The following ZPLD1 variants were observed in gnomAD, a reference collection of about 807,000 sequenced individuals.
ZPLD1 encodes zona pellucida-like domain-containing protein 1.
A neutral mutation model predicts 47.2 loss-of-function variants in ZPLD1; 34 were observed. The observed-to-expected ratio is 0.72, with a 90% CI of 0.55 to 0.96. ZPLD1 has a LOEUF of 0.96. Among genes scored for constraint, ZPLD1 ranks in the 40% least tolerant of loss-of-function variants. The pLI, the probability that ZPLD1 is intolerant of heterozygous loss-of-function variation, is 0.00. For missense variants in ZPLD1, 512 were observed against 505.8 expected (o/e 1.01, Z -0.12); for synonymous variants, 176 against 186.2 (o/e 0.95, Z 0.45).
intron 8 of ZPLD1, among the ~76,000 whole-genome samples, chr3:102,423,841 A>T (rs1576137873): frequency 6.6e-6 from 1 of 152,140 alleles, no homozygotes. Context: ...ATTGGTTAAC[A>T]TGACCAATAA....
intron 6 of ZPLD1, among the ~76,000 whole-genome samples, chr3:102,460,221 T>G (rs1707485502): frequency 6.6e-6 from 1 of 152,090 alleles, no homozygotes; most frequent in Admixed American, 6.5e-5. Flanking sequence ...GGAATGTTTT[T>G]TATTTCTAAC....
intron 3 of ZPLD1, among the ~76,000 whole-genome samples, chr3:102,451,584 T>C (rs557739292): frequency 4.6e-5 from 7 of 152,210 alleles, no homozygotes; most frequent in Non-Finnish European, 5.9e-5. Flanking sequence ...ACTTGTGTCC[T>C]GGGGTGATTT....
chr3:102,400,661 T>C (rs1408502016), intron 7 of ZPLD1, among the ~76,000 whole-genome samples: 1 of 152,094 alleles, frequency 6.6e-6, no homozygotes, highest in African/African-American at 2.4e-5. Flanking sequence ...TACTTTATCA[T>C]TTATTATTTA....
intron 3 of ZPLD1, among the ~76,000 whole-genome samples, chr3:102,447,968 CA>C (rs2107330418): frequency 6.6e-6 from 1 of 152,114 alleles, no homozygotes; most frequent in South Asian, 2.1e-4. Context: ...AACCTCAAAT[CA>C]GGACACATTT....
intron 8 of ZPLD1, among the ~76,000 whole-genome samples, chr3:102,428,782 A>G (rs1036827170): frequency 1.3e-5 from 2 of 151,420 alleles, no homozygotes; most frequent in African/African-American, 4.8e-5. Context: ...AAACCTTGGT[A>G]GCATTTCAGT....
In ZPLD1 at chr3:102,428,105, G is replaced by T. The variant is rs80047928; in HGVS notation, c.-9+9898G>T. On this transcript the variant is annotated intron_variant, in intron 8 of 17. Coordinates refer to the ZPLD1 transcript ENST00000491959. ...CTATATAGTCTCAGAAAAAAAGAGGGAAGTGCAATTAATAAAAATAGTATG... is the reference window on the plus strand; with the variant it reads ...CTATATAGTCTCAGAAAAAAAGAGGTAAGTGCAATTAATAAAAATAGTATG... Among the ~76,000 whole-genome samples, 946 of 152,202 alleles carry T rather than the reference G, an allele frequency of 6.2e-3. 9 individuals are homozygous for T. The highest frequency in any genetic ancestry group is 0.021 in the African/African-American group (892 of 41,536).
At chr3:102,426,040 T>C (rs527699413) in intron 8 of ZPLD1, among the ~76,000 whole-genome samples, 1 of 152,024 alleles carries the variant, frequency 6.6e-6, no homozygotes, top group East Asian at 1.9e-4. Context: ...ATTTCTACTA[T>C]GATAAATTTC....
At chr3:102,457,269 C>T (rs1185630050) in intron 5 of ZPLD1, among the ~76,000 whole-genome samples, 2 of 152,136 alleles carry the variant, frequency 1.3e-5, no homozygotes, top group East Asian at 1.9e-4. Context: ...GGAAAGGCCT[C>T]GAGTCAAAAC....
At chr3:102,435,449 G>C (rs953422611) in intron 1 of ZPLD1, among the ~76,000 whole-genome samples, 2 of 152,130 alleles carry the variant, frequency 1.3e-5, no homozygotes, top group African/African-American at 2.4e-5. Flanking sequence ...TAGCTCTAGA[G>C]TACATGGCTA....
intron 3 of ZPLD1, among the ~76,000 whole-genome samples, chr3:102,440,781 G>A (rs1286204297): frequency 2.1e-5 from 3 of 145,702 alleles, no homozygotes; most frequent in African/African-American, 7.6e-5. Flanking sequence ...GGAATTGAAA[G>A]AAAAGAAAGG....
At chr3:102,466,922 C>T (rs969871943) in intron 8 of ZPLD1, among the ~76,000 whole-genome samples, 1 of 151,482 alleles carries the variant, frequency 6.6e-6, no homozygotes, top group African/African-American at 2.4e-5. Context: ...AAATATAATC[C>T]AGGAACACTT....
intron 8 of ZPLD1, among the ~76,000 whole-genome samples, chr3:102,426,152 A>ACACACATG (rs978334988): frequency 4.0e-5 from 6 of 151,780 alleles, no homozygotes; most frequent in Non-Finnish European, 8.8e-5. Flanking sequence ...ACACACACAC[A>ACACACATG]CACACATGCA....
chr3:102,395,205 T>C (rs910830291), intron 7 of ZPLD1, among the ~76,000 whole-genome samples: 18 of 152,168 alleles, frequency 1.2e-4, no homozygotes, highest in Admixed American at 9.8e-4. Flanking sequence ...AAAACGTCCA[T>C]GTCCTAATCC....
At chr3:102,404,037 T>A (rs1371388996) in intron 7 of ZPLD1, among the ~76,000 whole-genome samples, 1 of 151,906 alleles carries the variant, frequency 6.6e-6, no homozygotes, top group East Asian at 1.9e-4. Context: ...TCATAGTGAG[T>A]GGTATTATGT....
intron 3 of ZPLD1, among the ~76,000 whole-genome samples, chr3:102,444,893 G>A (rs79055080): frequency 0.031 from 4,766 of 152,114 alleles, 194 homozygotes; most frequent in African/African-American, 0.096. Context: ...CATCTGAACC[G>A]TACAGAGCCT....
chr3:102,461,271 A>G (rs2107345909), intron 6 of ZPLD1, among the ~76,000 whole-genome samples: 1 of 152,144 alleles, frequency 6.6e-6, no homozygotes, highest in East Asian at 1.9e-4. Context: ...GTTTAGGGAA[A>G]CAATTGGCCT....
At chr3:102,403,585 T>G (rs1450124494) in intron 7 of ZPLD1, among the ~76,000 whole-genome samples, 2 of 152,032 alleles carry the variant, frequency 1.3e-5, no homozygotes, top group Non-Finnish European at 2.9e-5. Context: ...TTTTTCCTTT[T>G]GATCTCAGTA....
intron 7 of ZPLD1, among the ~76,000 whole-genome samples, chr3:102,402,162 C>T (rs924564663): frequency 2.6e-4 from 40 of 152,172 alleles, no homozygotes; most frequent in African/African-American, 8.4e-4. Flanking sequence ...TTCCCAGTGA[C>T]ACTAAATATG....
intron 7 of ZPLD1, among the ~76,000 whole-genome samples, chr3:102,409,540 C>T (rs1261172997): frequency 6.6e-6 from 1 of 151,778 alleles, no homozygotes; most frequent in Non-Finnish European, 1.5e-5. Context: ...ACATGTTAAA[C>T]TATCAAAGAT....
Sources: gnomAD v4.1 joint callset for allele counts (sites outside exome capture counted in the v4.1 genomes callset) on GRCh38, gnomAD v4.1.1 for gene constraint, MANE v1.5 for transcripts, NCBI Gene and HGNC (gene_info 2026-07-23, HGNC 2026-07-21) for gene names.